The following EPHA3 variants were observed in gnomAD, a reference collection of about 807,000 sequenced individuals.
EPHA3 encodes the protein EPH receptor A3.
EPHA3 carries 42 observed loss-of-function variants against 107.1 expected under a neutral mutation model. That is an observed-to-expected ratio of 0.39 (90% confidence interval 0.31 to 0.51). The LOEUF (loss-of-function observed/expected upper bound fraction) is 0.51, where lower values mean the gene tolerates loss of function less well. Ranked by LOEUF, EPHA3 falls within the 20% of genes least tolerant of loss-of-function variation. The pLI, the probability that EPHA3 is intolerant of heterozygous loss-of-function variation, is 0.78. For missense variants in EPHA3, 1,183 were observed against 1,211.2 expected (o/e 0.98, Z 0.35); for synonymous variants, 461 against 424.8 (o/e 1.09, Z -1.05).
At chr3:89,285,765 G>A (rs1344209615) in intron 3 of EPHA3, among the ~76,000 whole-genome samples, 4 of 152,152 alleles carry the variant, frequency 2.6e-5, no homozygotes, top group African/African-American at 9.7e-5. Context: ...TATTGCCAGG[G>A]AAGTAGTCAT....
chr3:89,137,201 T>C (rs1190024231), intron 2 of EPHA3, among the ~76,000 whole-genome samples: 1 of 151,934 alleles, frequency 6.6e-6, no homozygotes, highest in Non-Finnish European at 1.5e-5. Flanking sequence ...ATATTCAGAC[T>C]AAACATTATG....
Position 89,357,518 on chromosome 3 carries a change from G to A in EPHA3, c.1306+15428G>A, listed in dbSNP as rs112627209. ...TCACGCTATTTGAATATACTTTGTG[G>A]GCAAAGTTCGTCTATCTTTGTCCAC... On this transcript the variant is annotated intron_variant, in intron 5 of 16. Coordinates refer to ENST00000336596, the MANE Select transcript of EPHA3 (RefSeq NM_005233.6). Among the ~76,000 whole-genome samples, 5 of 150,946 alleles carry A rather than the reference G, an allele frequency of 3.3e-5. 1 individual carries two copies. Among genetic ancestry groups the A allele is most frequent in the African/African-American group, 4.8e-5 (2 of 41,376 alleles).
intron 2 of EPHA3, among the ~76,000 whole-genome samples, chr3:89,160,546 T>G (rs1456980966): frequency 1.1e-5 from 1 of 90,858 alleles, no homozygotes; most frequent in African/African-American, 3.8e-5. Flanking sequence ...TAATATTAGA[T>G]TTTGTGTGTG....
chr3:89,282,621 C>T (rs1705975732), intron 3 of EPHA3, among the ~76,000 whole-genome samples: 1 of 151,810 alleles, frequency 6.6e-6, no homozygotes, highest in Admixed American at 6.6e-5. Context: ...CCATGTTTTC[C>T]CCCGTATTTT....
At chr3:89,290,711 C>T (rs984712021) in intron 3 of EPHA3, among the ~76,000 whole-genome samples, 1 of 152,074 alleles carries the variant, frequency 6.6e-6, no homozygotes, top group Admixed American at 6.6e-5. Flanking sequence ...AGCTTTAGCA[C>T]TGCTGATGAA....
chr3:89,346,646 G>T (rs1328029789), intron 5 of EPHA3, among the ~76,000 whole-genome samples: 2 of 151,112 alleles, frequency 1.3e-5, no homozygotes, highest in South Asian at 2.1e-4. Context: ...GTCAATTGTG[G>T]CTTTTGTTGC....
At chr3:89,226,107 A>C (rs1279363433) in intron 3 of EPHA3, among the ~76,000 whole-genome samples, 2 of 152,176 alleles carry the variant, frequency 1.3e-5, no homozygotes, top group Admixed American at 6.6e-5. Flanking sequence ...CAAAGATTAG[A>C]AACATCATTG....
intron 1 of EPHA3, among the ~76,000 whole-genome samples, chr3:89,111,435 A>T (rs1176380551): frequency 6.6e-6 from 1 of 151,978 alleles, no homozygotes; most frequent in East Asian, 1.9e-4. Flanking sequence ...GCATTTCATC[A>T]TGCTAGACTA....
intron 6 of EPHA3, 92 bp from the exon 7 acceptor site, chr3:89,399,226 A>G: frequency 1.7e-6 from 2 of 1,149,546 alleles, no homozygotes; most frequent in Non-Finnish European, 2.4e-6. Flanking sequence ...GTTAAAATAT[A>G]AAAGAATCAG....
intron 3 of EPHA3, among the ~76,000 whole-genome samples, chr3:89,316,220 A>G (rs992807598): frequency 1.3e-5 from 2 of 151,630 alleles, no homozygotes; most frequent in African/African-American, 4.8e-5. Flanking sequence ...TGCTATTTTC[A>G]TGGCACCAGG....
chr3:89,211,428 G>A (rs1181196060), intron 3 of EPHA3, among the ~76,000 whole-genome samples: 4 of 151,922 alleles, frequency 2.6e-5, no homozygotes, highest in Non-Finnish European at 5.9e-5. Flanking sequence ...ATATATAGGA[G>A]AAGTTAAGTA....
At chr3:89,136,384 G>GAA (rs147836941) in intron 2 of EPHA3, among the ~76,000 whole-genome samples, 19 of 88,634 alleles carry the variant, frequency 2.1e-4, no homozygotes, top group East Asian at 1.0e-3. Flanking sequence ...AATGCACTCT[G>GAA]AAAAAAAAAA....
chr3:89,177,260 C>T (rs1222422558), intron 2 of EPHA3, among the ~76,000 whole-genome samples: 1 of 152,098 alleles, frequency 6.6e-6, no homozygotes, highest in African/African-American at 2.4e-5. Flanking sequence ...CAATTCTTTA[C>T]ATCTGATCTG....
chr3:89,341,970 G>A lies in EPHA3; in HGVS notation c.1186G>A (p.Val396Met), dbSNP rs2107420693. 6.2e-7 allele frequency: 1 copy of A among 1,613,336 alleles called. No individual in the cohort carries two copies. Among genetic ancestry groups the A allele is most frequent in the Non-Finnish European group, 8.5e-7 (1 of 1,179,868 alleles). ...TGGACTCACCAACACCACGGTGACA[G>A]TGACAGACCTTCTGGCACATACTAA... is the stretch of plus-strand genomic sequence containing the variant. ...QFGLTNTTVTVTDLLAHTNYT... is the reference protein window; with the variant it reads ...QFGLTNTTVTMTDLLAHTNYT... Residue 396 changes from valine (V) to methionine (M), a missense_variant, in exon 5 of 17, where the codon GTG (valine) becomes ATG (methionine). Physicochemically the swap from Val to Met is conservative, Grantham distance 21. Transcript: ENST00000336596.
At chr3:89,196,511 T>A (rs11914680) in intron 2 of EPHA3, among the ~76,000 whole-genome samples, 8 of 148,720 alleles carry the variant, frequency 5.4e-5, no homozygotes, top group African/African-American at 2.1e-4. Flanking sequence ...TTGATAAATA[T>A]GTGTTGAGTT....
chr3:89,473,418 C>A (rs896580705), intron 16 of EPHA3, among the ~76,000 whole-genome samples: 1 of 152,084 alleles, frequency 6.6e-6, no homozygotes, highest in African/African-American at 2.4e-5. Context: ...AGTGAATAGT[C>A]AAAAATTTGG....
At chr3:89,144,381 C>G (rs757876294) in intron 2 of EPHA3, among the ~76,000 whole-genome samples, 1 of 151,478 alleles carries the variant, frequency 6.6e-6, no homozygotes, top group African/African-American at 2.4e-5. Context: ...CTTTGACCAT[C>G]TATGTATCCT....
intron 3 of EPHA3, among the ~76,000 whole-genome samples, chr3:89,214,658 C>G (rs906056541): frequency 6.6e-6 from 1 of 151,830 alleles, no homozygotes; most frequent in Non-Finnish European, 1.5e-5. Context: ...GATATTTCCT[C>G]CATTATCTTA....
At chr3:89,287,518 T>C (rs1337979450) in intron 3 of EPHA3, among the ~76,000 whole-genome samples, 1 of 152,020 alleles carries the variant, frequency 6.6e-6, no homozygotes, top group Non-Finnish European at 1.5e-5. Flanking sequence ...AGGTGTGTTG[T>C]CAGCTAAGAA....
Sources: gnomAD v4.1 joint callset for allele counts (sites outside exome capture counted in the v4.1 genomes callset) on GRCh38, gnomAD v4.1.1 for gene constraint, MANE v1.5 for transcripts, NCBI Gene and HGNC (gene_info 2026-07-23, HGNC 2026-07-21) for gene names.